Variants in GALNT13 observed in about 807,000 individuals in gnomAD.
The protein encoded by GALNT13 is polypeptide N-acetylgalactosaminyltransferase 13.
Under a neutral mutation model 64.2 loss-of-function variants are expected in GALNT13, and 28 were observed. That is an observed-to-expected ratio of 0.44 (90% CI 0.32 to 0.60). The LOEUF is 0.60. Among genes scored for constraint, GALNT13 ranks in the 20% least tolerant of loss-of-function variants. The pLI, the probability that GALNT13 is intolerant of heterozygous loss-of-function variation, is 0.05. For missense variants in GALNT13, 577 were observed against 669.8 expected (o/e 0.86, Z 1.53); for synonymous variants, 214 against 224.6 (o/e 0.95, Z 0.42).
chr2:154,396,951 A>G (rs1474607757), intron 10 of GALNT13, among the ~76,000 whole-genome samples: 2 of 149,924 alleles, frequency 1.3e-5, no homozygotes, highest in African/African-American at 2.4e-5. Flanking sequence ...AGATAATTAT[A>G]TATAATATAT....
chr2:154,187,327 C>A (rs1686306504), intron 4 of GALNT13, among the ~76,000 whole-genome samples: 1 of 149,892 alleles, frequency 6.7e-6, no homozygotes, highest in African/African-American at 2.5e-5. Context: ...CCAGAAACTT[C>A]TTGGAACAGT....
At chr2:154,264,446 C>T (rs540637201) in intron 8 of GALNT13, among the ~76,000 whole-genome samples, 3 of 134,800 alleles carry the variant, frequency 2.2e-5, no homozygotes, top group African/African-American at 8.5e-5. Flanking sequence ...CATGGTGAAA[C>T]TCTGTCCTTA....
the GALNT13 span, among the ~76,000 whole-genome samples, chr2:153,789,585 C>T: frequency 6.6e-6 from 1 of 152,012 alleles, no homozygotes; most frequent in African/African-American, 2.4e-5. Context: ...TCACAAATAA[C>T]CCAAATCAGA....
chr2:153,813,330 T>C, the GALNT13 span, among the ~76,000 whole-genome samples: 1 of 152,200 alleles, frequency 6.6e-6, no homozygotes, highest in African/African-American at 2.4e-5. Flanking sequence ...AATATTTGCA[T>C]TGGTAAGTTA....
chr2:153,292,801 A>G, the GALNT13 span, among the ~76,000 whole-genome samples: 1 of 152,132 alleles, frequency 6.6e-6, no homozygotes, highest in African/African-American at 2.4e-5. Context: ...AGAAAAGGTT[A>G]CCCATAACCC....
At chr2:153,633,370 C>G in the GALNT13 span, among the ~76,000 whole-genome samples, 2 of 152,130 alleles carry the variant, frequency 1.3e-5, no homozygotes, top group African/African-American at 4.8e-5. Context: ...AAGACATTAT[C>G]TCACCAAGTA....
the GALNT13 span, among the ~76,000 whole-genome samples, chr2:153,475,927 G>A: frequency 6.6e-6 from 1 of 152,172 alleles, no homozygotes; most frequent in Non-Finnish European, 1.5e-5. Flanking sequence ...CACAGAAACT[G>A]TCTATAAAAT....
At chr2:153,978,318 C>A (rs73965336) in intron 3 of GALNT13, among the ~76,000 whole-genome samples, 9,311 of 152,206 alleles carry the variant, frequency 0.061, 588 homozygotes, top group African/African-American at 0.16. Context: ...CTTGAATCAT[C>A]ATCTCTACTT....
chr2:153,497,184 A>G, the GALNT13 span, among the ~76,000 whole-genome samples: 1 of 152,060 alleles, frequency 6.6e-6, no homozygotes, highest in Non-Finnish European at 1.5e-5. Flanking sequence ...TTGACTGTGG[A>G]ATTCTTTTCT....
the GALNT13 span, among the ~76,000 whole-genome samples, chr2:153,690,015 A>G: frequency 2.0e-5 from 3 of 152,062 alleles, no homozygotes; most frequent in South Asian, 6.2e-4. Flanking sequence ...TGGATTTGTT[A>G]GATTGACCTG....
the GALNT13 span, among the ~76,000 whole-genome samples, chr2:153,727,857 T>C: frequency 1.3e-5 from 2 of 151,986 alleles, no homozygotes; most frequent in East Asian, 1.9e-4. Context: ...TTTAAGCCCG[T>C]ATGCATTAGG....
At chr2:154,070,292 C>T (rs1461861820) in intron 3 of GALNT13, among the ~76,000 whole-genome samples, 1 of 152,070 alleles carries the variant, frequency 6.6e-6, no homozygotes, top group South Asian at 2.1e-4. Flanking sequence ...ACATGAGAAA[C>T]TGCATTATGT....
intron 3 of GALNT13, among the ~76,000 whole-genome samples, chr2:154,082,342 A>T (rs1334136731): frequency 2.6e-5 from 4 of 151,680 alleles, no homozygotes; most frequent in Non-Finnish European, 4.4e-5. Context: ...ATATGACATT[A>T]AAAATCTCTT....
chr2:153,148,290 T>C, the GALNT13 span, among the ~76,000 whole-genome samples: 3 of 151,980 alleles, frequency 2.0e-5, no homozygotes, highest in East Asian at 3.9e-4. Context: ...AGAGAAAGCA[T>C]CCATCTTGAG....
At chr2:153,462,261 A>C in the GALNT13 span, among the ~76,000 whole-genome samples, 3 of 152,154 alleles carry the variant, frequency 2.0e-5, no homozygotes, top group African/African-American at 4.8e-5. Context: ...CTTGAAATTT[A>C]CATATTTCTA....
At chr2:153,780,791 C>A in the GALNT13 span, among the ~76,000 whole-genome samples, 1 of 152,002 alleles carries the variant, frequency 6.6e-6, no homozygotes, top group East Asian at 1.9e-4. Flanking sequence ...ATTGCCTGCT[C>A]GTTGTGGCAA....
chr2:153,671,462 G>A, the GALNT13 span, among the ~76,000 whole-genome samples: 1 of 152,306 alleles, frequency 6.6e-6, no homozygotes, highest in African/African-American at 2.4e-5. Context: ...AGTTTCATAA[G>A]TGAAGGAGAA....
chr2:153,502,030 G>C, the GALNT13 span, among the ~76,000 whole-genome samples: 1 of 152,090 alleles, frequency 6.6e-6, no homozygotes, highest in Non-Finnish European at 1.5e-5. Context: ...AGTCTGACTA[G>C]TAAGAAAAGT....
At chr2:153,965,286 C>G (rs1693252680) in intron 3 of GALNT13, among the ~76,000 whole-genome samples, 1 of 152,126 alleles carries the variant, frequency 6.6e-6, no homozygotes, top group Non-Finnish European at 1.5e-5. Flanking sequence ...CTACCAAACA[C>G]TATTCCTTTG....
Sources: allele counts gnomAD v4.1 joint callset (sites outside exome capture counted in the v4.1 genomes callset), GRCh38; gene constraint gnomAD v4.1.1; transcripts MANE v1.5; gene names NCBI Gene and HGNC (gene_info 2026-07-23, HGNC 2026-07-21).